The following SCFD2 variants were observed in gnomAD, a reference collection of about 807,000 sequenced individuals.
The protein encoded by SCFD2 is sec1 family domain containing 2.
In SCFD2, 54 loss-of-function variants were observed where a neutral mutation model predicts 58.9. The ratio of observed to expected loss-of-function variants is 0.92; its 90% CI spans 0.74 to 1.15. The LOEUF is 1.15. Among genes scored for constraint, SCFD2 ranks in the 50% most tolerant of loss-of-function variants. The pLI, the probability that SCFD2 is intolerant of heterozygous loss-of-function variation, is 0.00. For missense variants in SCFD2, 805 were observed against 836.6 expected, an observed-to-expected ratio of 0.96 and a Z score of 0.47; for synonymous variants, 321 against 335.9, an observed-to-expected ratio of 0.96 and a Z score of 0.49.
intron 5 of SCFD2, among the ~76,000 whole-genome samples, chr4:53,047,319 G>A (rs1723066711): frequency 6.6e-6 from 1 of 152,088 alleles, no homozygotes; most frequent in Non-Finnish European, 1.5e-5. Flanking sequence ...TTAGTGGCAT[G>A]TGCCGTAGTC....
Position 52,915,583 on chromosome 4 carries a change from TCATC to T in SCFD2, c.1707+5138_1707+5141del, listed in dbSNP as rs759228668. Reference sequence around the variant, plus strand: ...AAAAATGGTTCATTTGTCTGTCTGTTCATCCATCCATCCATCCATCCACCCACCC... The same window carrying T: ...AAAAATGGTTCATTTGTCTGTCTGTTCATCCATCCATCCATCCACCCACCC... On this transcript the variant is annotated intron_variant, in intron 6 of 8. Transcript: ENST00000401642. Among the ~76,000 whole-genome samples the T allele has an allele frequency of 1.1e-3, 165 of 152,284 alleles. 2 individuals carry two copies. The East Asian group carries it at 0.022, about 21-fold the overall frequency.
chr4:53,246,341 C>T (rs938648450), intron 4 of SCFD2, among the ~76,000 whole-genome samples: 7 of 152,110 alleles, frequency 4.6e-5, no homozygotes, highest in African/African-American at 4.8e-5. Flanking sequence ...CTAGAAAACA[C>T]TATTTTAAAA....
At chr4:53,295,066 G>A (rs1393420599) in intron 3 of SCFD2, among the ~76,000 whole-genome samples, 2 of 152,172 alleles carry the variant, frequency 1.3e-5, no homozygotes, top group South Asian at 2.1e-4. Flanking sequence ...TTGAAGTCAG[G>A]TAGTGTGATG....
At chr4:53,297,439 G>A (rs188765661) in intron 3 of SCFD2, among the ~76,000 whole-genome samples, 2 of 151,562 alleles carry the variant, frequency 1.3e-5, no homozygotes, top group East Asian at 3.9e-4. Flanking sequence ...GTCTCTTTGT[G>A]TCAGACTAGA....
At chr4:53,060,905 G>A (rs957510160) in intron 5 of SCFD2, among the ~76,000 whole-genome samples, 1 of 152,154 alleles carries the variant, frequency 6.6e-6, no homozygotes, top group African/African-American at 2.4e-5. Context: ...TGATCATAAA[G>A]TCTAGGAATT....
chr4:53,295,396 T>G (rs1462879202), intron 3 of SCFD2, among the ~76,000 whole-genome samples: 1 of 152,184 alleles, frequency 6.6e-6, no homozygotes, highest in Non-Finnish European at 1.5e-5. Context: ...ATTGTCTTTG[T>G]AGCTATTGTG....
chr4:52,995,451 C>T (rs183608278), intron 5 of SCFD2, among the ~76,000 whole-genome samples: 155 of 152,314 alleles, frequency 1.0e-3, no homozygotes, highest in African/African-American at 3.6e-3. Flanking sequence ...GAATTGGGGA[C>T]CCTTGCCCTA....
At chr4:53,269,794 G>A (rs1347942656) in intron 4 of SCFD2, among the ~76,000 whole-genome samples, 1 of 152,216 alleles carries the variant, frequency 6.6e-6, no homozygotes, top group Non-Finnish European at 1.5e-5. Context: ...GGAGGCCAAG[G>A]CGGGCAGATC....
intron 4 of SCFD2, among the ~76,000 whole-genome samples, chr4:53,203,201 A>G (rs1728305377): frequency 6.6e-6 from 1 of 152,190 alleles, no homozygotes; most frequent in Admixed American, 6.5e-5. Context: ...GATACATCCC[A>G]TCAATACCTA....
At chr4:53,075,787 A>G (rs1335775547) in intron 5 of SCFD2, among the ~76,000 whole-genome samples, 1 of 152,182 alleles carries the variant, frequency 6.6e-6, no homozygotes, top group Non-Finnish European at 1.5e-5. Context: ...TGTAACAAAA[A>G]AGATCACTGA....
intron 5 of SCFD2, among the ~76,000 whole-genome samples, chr4:53,054,696 A>C (rs957359681): frequency 6.6e-6 from 1 of 151,702 alleles, no homozygotes; most frequent in Non-Finnish European, 1.5e-5. Flanking sequence ...TCTATCACCC[A>C]GGCTGGAGTA....
At chr4:53,359,760 G>A (rs1432451463) in intron 1 of SCFD2, among the ~76,000 whole-genome samples, 1 of 152,150 alleles carries the variant, frequency 6.6e-6, no homozygotes, top group Non-Finnish European at 1.5e-5. Context: ...GCTGCATCCA[G>A]AAGGGCAAAT....
intron 4 of SCFD2, among the ~76,000 whole-genome samples, chr4:53,182,579 G>A (rs1201254309): frequency 6.6e-6 from 1 of 152,058 alleles, no homozygotes; most frequent in Non-Finnish European, 1.5e-5. Flanking sequence ...ATACCATTCA[G>A]GACATAGGCA....
intron 4 of SCFD2, among the ~76,000 whole-genome samples, chr4:53,165,448 T>G (rs1726977940): frequency 6.6e-6 from 1 of 152,208 alleles, no homozygotes; most frequent in South Asian, 2.1e-4. Context: ...AGCTGTAATC[T>G]CAGAGATCCA....
At chr4:53,092,803 G>T (rs763139259) in intron 5 of SCFD2, among the ~76,000 whole-genome samples, 2 of 152,072 alleles carry the variant, frequency 1.3e-5, no homozygotes, top group African/African-American at 2.4e-5. Flanking sequence ...TTTCCATGAG[G>T]TAGGTAGGGA....
intron 2 of SCFD2, among the ~76,000 whole-genome samples, chr4:53,336,042 T>C (rs1733673381): frequency 6.6e-6 from 1 of 152,078 alleles, no homozygotes; most frequent in African/African-American, 2.4e-5. Context: ...ACAAAGAAAA[T>C]TCTAAATAAG....
At chr4:53,049,646 C>G (rs1438608756) in intron 5 of SCFD2, among the ~76,000 whole-genome samples, 1 of 152,022 alleles carries the variant, frequency 6.6e-6, no homozygotes, top group Admixed American at 6.6e-5. Context: ...AAAGAGTGAG[C>G]AGAAAGGCAG....
At chr4:53,110,014 G>C (rs1424119734) in intron 5 of SCFD2, among the ~76,000 whole-genome samples, 1 of 144,434 alleles carries the variant, frequency 6.9e-6, no homozygotes. Context: ...GCATGGTACT[G>C]GTACCAAAAC....
chr4:53,186,065 A>G (rs1274688748), intron 4 of SCFD2, among the ~76,000 whole-genome samples: 1 of 152,164 alleles, frequency 6.6e-6, no homozygotes, highest in Non-Finnish European at 1.5e-5. Context: ...AGTGCTTAAC[A>G]TTGACTTAGG....
Sources: allele counts gnomAD v4.1 joint callset (sites outside exome capture counted in the v4.1 genomes callset), GRCh38; gene constraint gnomAD v4.1.1; transcripts MANE v1.5; gene names NCBI Gene and HGNC (gene_info 2026-07-23, HGNC 2026-07-21).